The following THSD7B variants were observed in gnomAD, a reference collection of about 807,000 sequenced individuals.
The protein encoded by THSD7B is thrombospondin type 1 domain containing 7B.
A neutral mutation model predicts 213.6 loss-of-function variants in THSD7B; 138 were observed. The ratio of observed to expected loss-of-function variants is 0.65; its 90% CI spans 0.56 to 0.74. THSD7B has a LOEUF of 0.74. Among genes scored for constraint, THSD7B ranks in the 30% least tolerant of loss-of-function variants. THSD7B has a pLI of 0.00. For synonymous variants in THSD7B, 742 were observed against 687.0 expected, an observed-to-expected ratio of 1.08 and a Z score of -1.25; for missense variants, 1,931 against 1,991.5, an observed-to-expected ratio of 0.97 and a Z score of 0.58.
intron 20 of THSD7B, among the ~76,000 whole-genome samples, chr2:137,625,723 G>C (rs1027818079): frequency 1.3e-5 from 2 of 152,174 alleles, no homozygotes; most frequent in Non-Finnish European, 2.9e-5. Flanking sequence ...GCTTTTTCAG[G>C]TGGGCATTGC....
At chr2:137,195,628 T>C (rs115981505) in intron 7 of THSD7B, among the ~76,000 whole-genome samples, 2,480 of 152,230 alleles carry the variant, frequency 0.016, 47 homozygotes, top group African/African-American at 0.056. Flanking sequence ...AAATAAAGTA[T>C]AAATCTGCTT....
At chr2:137,503,262 A>G (rs1049941790) in intron 15 of THSD7B, among the ~76,000 whole-genome samples, 1 of 152,190 alleles carries the variant, frequency 6.6e-6, no homozygotes, top group African/African-American at 2.4e-5. Flanking sequence ...ACACTTGTGT[A>G]AGTAGCAGCC....
At chr2:137,313,517 A>T (rs1280279625) in intron 12 of THSD7B, among the ~76,000 whole-genome samples, 1 of 150,992 alleles carries the variant, frequency 6.6e-6, no homozygotes, top group African/African-American at 2.4e-5. Flanking sequence ...TTTAAAGTTA[A>T]TATTGTTATG....
At chr2:137,016,733 A>G (rs1161983127) in intron 2 of THSD7B, among the ~76,000 whole-genome samples, 1 of 152,210 alleles carries the variant, frequency 6.6e-6, no homozygotes, top group Non-Finnish European at 1.5e-5. Flanking sequence ...TTAATGTAGT[A>G]CTGTAGCATG....
intron 2 of THSD7B, among the ~76,000 whole-genome samples, chr2:136,935,140 GA>G (rs1474324490): frequency 1.1e-4 from 17 of 152,250 alleles, no homozygotes; most frequent in Non-Finnish European, 7.4e-5. Context: ...ACACTTCTAA[GA>G]AATGATTCAG....
chr2:137,328,858 C>A (rs1469993841), intron 12 of THSD7B, among the ~76,000 whole-genome samples: 1 of 152,126 alleles, frequency 6.6e-6, no homozygotes, highest in Non-Finnish European at 1.5e-5. Context: ...CTCCTGCTTC[C>A]CTGTGAAGAG....
At chr2:137,272,826 T>C (rs1483733874) in intron 11 of THSD7B, among the ~76,000 whole-genome samples, 164 bp downstream of exon 11, 1 of 151,998 alleles carries the variant, frequency 6.6e-6, no homozygotes, top group Non-Finnish European at 1.5e-5. Context: ...TGGAACATAT[T>C]TGGGAGGAGT....
chr2:137,073,726 C>T (rs1171317544), intron 3 of THSD7B, among the ~76,000 whole-genome samples: 23 of 152,136 alleles, frequency 1.5e-4, no homozygotes, highest in Admixed American at 2.6e-4. Context: ...GCATTTAGTG[C>T]TATAAATTTC....
chr2:137,523,779 T>C (rs1367302958), intron 15 of THSD7B, among the ~76,000 whole-genome samples: 1 of 152,012 alleles, frequency 6.6e-6, no homozygotes, highest in Admixed American at 6.6e-5. Flanking sequence ...CTTATAGATC[T>C]CTGGGGCACA....
chr2:137,568,238 G>A (rs545202082), intron 16 of THSD7B, among the ~76,000 whole-genome samples: 1 of 152,174 alleles, frequency 6.6e-6, no homozygotes, highest in East Asian at 1.9e-4. Context: ...AGTGGAGATA[G>A]CAAATATAGA....
At chr2:136,924,325 C>T (rs1228209759) in intron 2 of THSD7B, among the ~76,000 whole-genome samples, 2 of 146,208 alleles carry the variant, frequency 1.4e-5, no homozygotes, top group African/African-American at 5.1e-5. Flanking sequence ...AAGTGATCCA[C>T]CTGCCTTGCT....
intron 12 of THSD7B, among the ~76,000 whole-genome samples, chr2:137,306,678 CT>C (rs964482753): frequency 9.9e-5 from 15 of 151,888 alleles, no homozygotes; most frequent in African/African-American, 3.1e-4. Flanking sequence ...TCTGTGATAT[CT>C]TTAGACTGAT....
chr2:136,767,456 A>AGTGTGTGTGTGTGTGTGTGTGT lies in THSD7B; in HGVS notation c.-36+1772_-36+1793dup, dbSNP rs6146926. Among the ~76,000 whole-genome samples, 471 of 146,688 alleles carry AGTGTGTGTGTGTGTGTGTGTGT rather than the reference A, an allele frequency of 3.2e-3. 3 individuals carry two copies. The highest frequency in any genetic ancestry group is 4.3e-3 in the South Asian group (19 of 4,458). On this transcript the variant is annotated intron_variant, in intron 1 of 27. Coordinates refer to ENST00000409968, the MANE Select transcript of THSD7B (RefSeq NM_001316349.2). The stretch of plus-strand genomic sequence containing the variant: ...ATTGTTTTATTTTCTATCCCTGGGA[A>AGTGTGTGTGTGTGTGTGTGTGT]GTGTGTGTGTGTGTGTGTGTGTGTT...
intron 3 of THSD7B, among the ~76,000 whole-genome samples, chr2:137,086,276 G>T (rs187203419): frequency 6.6e-6 from 1 of 152,006 alleles, no homozygotes; most frequent in Non-Finnish European, 1.5e-5. Flanking sequence ...GGCAGAAGTT[G>T]CAATGAGCCA....
chr2:136,959,852 C>T (rs1685187379), intron 2 of THSD7B, among the ~76,000 whole-genome samples: 1 of 152,114 alleles, frequency 6.6e-6, no homozygotes, highest in Admixed American at 6.6e-5. Flanking sequence ...AAGAAAAACT[C>T]TGGAGGGGGA....
chr2:137,125,780 C>T (rs1274040580), intron 5 of THSD7B, among the ~76,000 whole-genome samples: 1 of 152,150 alleles, frequency 6.6e-6, no homozygotes, highest in Non-Finnish European at 1.5e-5. Flanking sequence ...TGTAGCCTTA[C>T]ACAAAGTATT....
chr2:136,903,968 GTGTGTT>G (rs761589883), intron 2 of THSD7B, among the ~76,000 whole-genome samples: 5,387 of 60,148 alleles, frequency 0.09, 343 homozygotes, highest in African/African-American at 0.3. Context: ...GTGTGTGTGT[GTGTGTT>G]TGTTTGTTTC....
intron 1 of THSD7B, among the ~76,000 whole-genome samples, chr2:136,841,107 A>C (rs1182157606): frequency 2.6e-5 from 4 of 152,184 alleles, no homozygotes; most frequent in African/African-American, 9.6e-5. Context: ...AAGAATTTCA[A>C]ACCCCATTTT....
At chr2:137,487,020 G>A (rs77220001) in intron 15 of THSD7B, among the ~76,000 whole-genome samples, 3,316 of 149,428 alleles carry the variant, frequency 0.022, 122 homozygotes, top group African/African-American at 0.08. Context: ...TTATAGCACT[G>A]AATGCCCACA....
Sources: allele counts gnomAD v4.1 joint callset (sites outside exome capture counted in the v4.1 genomes callset), GRCh38; gene constraint gnomAD v4.1.1; transcripts MANE v1.5; gene names NCBI Gene and HGNC (gene_info 2026-07-23, HGNC 2026-07-21).